The following PSD3 variants were observed in gnomAD, a reference collection of about 807,000 sequenced individuals.
PSD3 encodes the protein pleckstrin and Sec7 domain containing 3.
A neutral mutation model predicts 105.5 loss-of-function variants in PSD3; 49 were observed. The ratio of observed to expected loss-of-function variants is 0.46; its 90% CI spans 0.37 to 0.59. PSD3 has a LOEUF of 0.59. PSD3 is among the 20% of genes least tolerant of loss of function. PSD3 has a pLI of 0.00. For synonymous variants in PSD3, 557 were observed against 457.8 expected, an observed-to-expected ratio of 1.22 and a Z score of -2.77; for missense variants, 1,561 against 1,263.8, an observed-to-expected ratio of 1.24 and a Z score of -3.57.
At chr8:18,784,161 G>C (rs895531672) in intron 8 of PSD3, among the ~76,000 whole-genome samples, 1 of 152,142 alleles carries the variant, frequency 6.6e-6, no homozygotes, top group African/African-American at 2.4e-5. Context: ...CTGTCATCAG[G>C]TATCTGTTAG....
At chr8:18,576,503 T>C (rs1464520443) in intron 12 of PSD3, among the ~76,000 whole-genome samples, 1 of 152,166 alleles carries the variant, frequency 6.6e-6, no homozygotes, top group Non-Finnish European at 1.5e-5. Context: ...TTCATAAAAC[T>C]ATAATCTAGT....
At chr8:18,686,357 G>T (rs182364543) in intron 9 of PSD3, among the ~76,000 whole-genome samples, 1 of 152,336 alleles carries the variant, frequency 6.6e-6, no homozygotes, top group East Asian at 1.9e-4. Flanking sequence ...ATTCTCGCAT[G>T]AAGTATACCA....
At chr8:18,862,449 CT>C (rs1816522442) in intron 4 of PSD3, among the ~76,000 whole-genome samples, 1 of 151,734 alleles carries the variant, frequency 6.6e-6, no homozygotes, top group South Asian at 2.1e-4. Flanking sequence ...ATGAGAACCT[CT>C]TTTTTGACTG....
intron 1 of PSD3, among the ~76,000 whole-genome samples, chr8:19,039,022 C>G (rs1828037430): frequency 1.3e-5 from 2 of 152,164 alleles, no homozygotes; most frequent in African/African-American, 4.8e-5. Flanking sequence ...ACTAAGCCCC[C>G]TCATCTTCAT....
At chr8:18,563,213 T>C (rs553314907) in intron 14 of PSD3, among the ~76,000 whole-genome samples, 10 of 152,326 alleles carry the variant, frequency 6.6e-5, no homozygotes, top group South Asian at 4.1e-4. Context: ...CTGCCTAACA[T>C]GAACAAATAC....
chr8:18,941,635 C>T (rs1285894280), intron 1 of PSD3, among the ~76,000 whole-genome samples: 1 of 149,610 alleles, frequency 6.7e-6, no homozygotes, highest in Non-Finnish European at 1.5e-5. Flanking sequence ...CAATTTTAGA[C>T]ACAAGATAAG....
chr8:18,556,180 GCAT>G, intron 15 of PSD3, 26 bp downstream of exon 15: 7 of 1,610,136 alleles, frequency 4.3e-6, no homozygotes, highest in Non-Finnish European at 5.9e-6. Context: ...TCAGAAATCA[GCAT>G]TTACTAACAT....
chr8:18,756,502 G>A (rs1416148356), intron 9 of PSD3, among the ~76,000 whole-genome samples: 1 of 151,858 alleles, frequency 6.6e-6, no homozygotes, highest in Non-Finnish European at 1.5e-5. Context: ...AATACAAGGT[G>A]AGAGCTAAGA....
At chr8:18,961,227 T>C (rs1057021239) in intron 1 of PSD3, among the ~76,000 whole-genome samples, 8 of 152,224 alleles carry the variant, frequency 5.3e-5, no homozygotes, top group Non-Finnish European at 7.3e-5. Flanking sequence ...AATAGAATCA[T>C]TGTTAATAAA....
In PSD3 at chr8:18,995,077, C is replaced by T. The variant is rs1427118017; in HGVS notation, c.21+18486G>A. Among the ~76,000 whole-genome samples the T allele has an allele frequency of 2.0e-5, 3 of 152,270 alleles. No individual in the cohort carries two copies. In the East Asian group the frequency reaches 5.8e-4, roughly 29 times the overall value. On this transcript the variant is annotated intron_variant, in intron 1 of 15. Coordinates refer to ENST00000327040, the MANE Select transcript of PSD3 (RefSeq NM_015310.4). ...TATTTATAACAAAGCCAAAGGACTG[C>T]TTTCCAGCAAGGGAGCTGTTTACTG... is the stretch of plus-strand genomic sequence containing the variant.
In PSD3 at chr8:18,725,826, A is replaced by G. The variant is rs1200723823; in HGVS notation, c.2172+39623T>C. Among the ~76,000 whole-genome samples, 4 of 152,318 alleles carry G rather than the reference A, an allele frequency of 2.6e-5. No individual in the cohort carries two copies. The East Asian group carries it at 7.7e-4, about 29-fold the overall frequency. ...GGCAACTCCCGAAGAAACAAGTTATAAAAGAGAGGGGAAGCAAAATTAGTG... is the reference window on the plus strand; with the variant it reads ...GGCAACTCCCGAAGAAACAAGTTATGAAAGAGAGGGGAAGCAAAATTAGTG... On this transcript the variant is annotated intron_variant, in intron 9 of 15. Coordinates refer to ENST00000327040, the MANE Select transcript of PSD3 (RefSeq NM_015310.4).
chr8:18,974,658 A>G (rs903808368), intron 1 of PSD3, among the ~76,000 whole-genome samples: 3 of 151,260 alleles, frequency 2.0e-5, no homozygotes, highest in Non-Finnish European at 4.4e-5. Context: ...AACCTCCAAT[A>G]TAACACATCA....
chr8:19,049,038 G>C (rs1391432841), intron 1 of PSD3, among the ~76,000 whole-genome samples: 3 of 152,116 alleles, frequency 2.0e-5, no homozygotes, highest in Non-Finnish European at 4.4e-5. Flanking sequence ...AGTCATGCTG[G>C]ATTAGGGTCC....
rs191504379 is a variant in PSD3 at position 18,590,933 on chromosome 8, C to T, written c.2481+9431G>A. Among the ~76,000 whole-genome samples the T allele has an allele frequency of 2.3e-4, 35 of 152,122 alleles. No homozygotes were observed. In the East Asian group the frequency reaches 3.7e-3, roughly 16 times the overall value. Reference sequence around the variant, plus strand: ...AACATACAGAGTGAAAAGAATAAGACGCCAAAACTGTGTTATACTATGATT... The same window carrying T: ...AACATACAGAGTGAAAAGAATAAGATGCCAAAACTGTGTTATACTATGATT... On this transcript the variant is annotated intron_variant, in intron 12 of 15. Transcript: ENST00000327040.
intron 4 of PSD3, chr8:18,864,575 T>G (rs1018614911): frequency 3.3e-5 from 5 of 152,216 alleles, no homozygotes; most frequent in African/African-American, 1.2e-4. Context: ...GAGAATTCAT[T>G]AGTCTTATTC....
intron 11 of PSD3, among the ~76,000 whole-genome samples, chr8:18,607,945 T>G (rs1804975288): frequency 6.6e-6 from 1 of 152,060 alleles, no homozygotes. Context: ...CCATCAGATC[T>G]CAGGAGAACT....
intron 2 of PSD3, among the ~76,000 whole-genome samples, chr8:18,878,484 C>G (rs929878022): frequency 6.6e-6 from 1 of 152,160 alleles, no homozygotes; most frequent in Non-Finnish European, 1.5e-5. Context: ...AGGAGGCAGC[C>G]CATGAATACC....
At chr8:18,969,009 T>C (rs562778166) in intron 1 of PSD3, among the ~76,000 whole-genome samples, 9 of 152,258 alleles carry the variant, frequency 5.9e-5, no homozygotes, top group South Asian at 2.1e-4. Context: ...GTAGCATGTA[T>C]TGAGTTATTA....
intron 11 of PSD3, among the ~76,000 whole-genome samples, chr8:18,616,453 G>T (rs534624815): frequency 1.3e-5 from 2 of 152,130 alleles, no homozygotes; most frequent in Admixed American, 6.5e-5. Context: ...GCCTTCCCTC[G>T]TCTGGATCTA....
Sources: gnomAD v4.1 joint callset for allele counts (sites outside exome capture counted in the v4.1 genomes callset) on GRCh38, gnomAD v4.1.1 for gene constraint, MANE v1.5 for transcripts, NCBI Gene and HGNC (gene_info 2026-07-23, HGNC 2026-07-21) for gene names.